Variants in PARD3B observed in about 807,000 individuals in gnomAD.
PARD3B encodes the protein partitioning defective 3 homolog B.
PARD3B carries 103 observed loss-of-function variants against 130.2 expected under a neutral mutation model. That is an observed-to-expected ratio of 0.79 (90% CI 0.67 to 0.93). The LOEUF (loss-of-function observed/expected upper bound fraction) is 0.93, where lower values mean the gene tolerates loss of function less well. Ranked by LOEUF, PARD3B falls within the 40% of genes least tolerant of loss-of-function variation. The pLI is 0.00. For synonymous variants in PARD3B, 583 were observed against 553.2 expected (o/e 1.05, Z -0.76); for missense variants, 1,609 against 1,499.2 (o/e 1.07, Z -1.21).
chr2:204,792,754 G>A (rs1336218421), intron 2 of PARD3B, among the ~76,000 whole-genome samples: 2 of 152,104 alleles, frequency 1.3e-5, no homozygotes, highest in African/African-American at 2.4e-5. Context: ...CAATTAGAAA[G>A]GTCAGTGGTT....
intron 4 of PARD3B, among the ~76,000 whole-genome samples, chr2:205,087,905 G>A (rs1206880065): frequency 6.6e-6 from 1 of 151,936 alleles, no homozygotes; most frequent in African/African-American, 2.4e-5. Context: ...TGTGTTGATC[G>A]GAAGTCATAC....
At chr2:205,535,338 CTT>C (rs921266956) in intron 21 of PARD3B, among the ~76,000 whole-genome samples, 21 of 152,236 alleles carry the variant, frequency 1.4e-4, no homozygotes, top group South Asian at 4.2e-4. Flanking sequence ...TACTCAGACT[CTT>C]TATTTGGTTC....
intron 18 of PARD3B, among the ~76,000 whole-genome samples, chr2:205,314,244 T>C (rs2042485231): frequency 2.0e-5 from 3 of 152,188 alleles, no homozygotes; most frequent in Admixed American, 2.0e-4. Flanking sequence ...GCATGAGAGA[T>C]GAATGTGGCA....
chr2:205,368,497 T>C (rs981827120), intron 18 of PARD3B, among the ~76,000 whole-genome samples: 2 of 152,088 alleles, frequency 1.3e-5, no homozygotes, highest in Admixed American at 6.6e-5. Context: ...CCGTGCGTGA[T>C]GGTGCACACC....
intron 19 of PARD3B, among the ~76,000 whole-genome samples, chr2:205,439,285 C>A (rs192765148): frequency 1.6e-4 from 24 of 152,108 alleles, no homozygotes; most frequent in African/African-American, 5.8e-4. Flanking sequence ...GGGCCCAGGA[C>A]ATCAAGTTTG....
chr2:204,968,567 C>T (rs1344169232), intron 3 of PARD3B, among the ~76,000 whole-genome samples: 1 of 152,222 alleles, frequency 6.6e-6, no homozygotes. Flanking sequence ...AACCACTTGC[C>T]ATTCCAAATT....
At chr2:204,878,827 A>G (rs1279597437) in intron 2 of PARD3B, among the ~76,000 whole-genome samples, 2 of 152,194 alleles carry the variant, frequency 1.3e-5, no homozygotes, top group African/African-American at 2.4e-5. Flanking sequence ...GACAGAATGT[A>G]TGTGATTATT....
intron 1 of PARD3B, among the ~76,000 whole-genome samples, chr2:204,589,641 G>T (rs756478178): frequency 5.3e-5 from 8 of 152,180 alleles, no homozygotes; most frequent in Non-Finnish European, 1.2e-4. Context: ...AAGAGGTCCA[G>T]CTTTGGATGG....
chr2:204,834,318 C>T (rs1356127920), intron 2 of PARD3B, among the ~76,000 whole-genome samples: 1 of 152,090 alleles, frequency 6.6e-6, no homozygotes, highest in Admixed American at 6.6e-5. Context: ...AGACTCAATA[C>T]ATAAATATAT....
At chr2:204,876,302 C>A (rs1031246628) in intron 2 of PARD3B, among the ~76,000 whole-genome samples, 2 of 152,196 alleles carry the variant, frequency 1.3e-5, no homozygotes, top group Admixed American at 6.5e-5. Context: ...ACTGAATCAA[C>A]GCTTGGTAAA....
chr2:205,572,369 C>A lies in PARD3B; in HGVS notation c.3260+18966C>A, dbSNP rs2053588592. On this transcript the variant is annotated intron_variant, in intron 22 of 22. Coordinates refer to ENST00000406610, the MANE Select transcript of PARD3B (RefSeq NM_001302769.2). The surrounding 1 kb of genome is among the most constrained non-coding windows in gnomAD (Gnocchi z 4.2). ...TGACTCTACCCAGAAGGCCTCAGGC[C>A]CTTGAAGGTGTTTAAAGAAAGAAAT... is the stretch of plus-strand genomic sequence containing the variant. Among the ~76,000 whole-genome samples the A allele has an allele frequency of 6.6e-6, 1 of 152,100 alleles. No individual in the cohort carries two copies. Among genetic ancestry groups the A allele is most frequent in the African/African-American group, 2.4e-5 (1 of 41,416 alleles).
chr2:204,872,198 A>G (rs1046051998), intron 2 of PARD3B, among the ~76,000 whole-genome samples: 3 of 152,108 alleles, frequency 2.0e-5, no homozygotes, highest in Non-Finnish European at 2.9e-5. Flanking sequence ...TGGGAAAAGC[A>G]TATGGCAATT....
At chr2:205,489,575 C>A (rs73058147) in intron 20 of PARD3B, among the ~76,000 whole-genome samples, 594 of 45,390 alleles carry the variant, frequency 0.013, 5 homozygotes, top group African/African-American at 0.037. Flanking sequence ...TATACACACA[C>A]ACACATATAT....
chr2:205,359,997 A>G (rs962129902), intron 18 of PARD3B, among the ~76,000 whole-genome samples: 1 of 152,208 alleles, frequency 6.6e-6, no homozygotes. Flanking sequence ...TTTCAAATTC[A>G]TAGTATTGAT....
At chr2:205,483,678 C>A (rs2049327801) in intron 20 of PARD3B, among the ~76,000 whole-genome samples, 1 of 152,050 alleles carries the variant, frequency 6.6e-6, no homozygotes, top group Admixed American at 6.6e-5. Context: ...GGAAATGATT[C>A]CCTTTTTTTC....
At chr2:205,542,521 A>G (rs1474578799) in intron 21 of PARD3B, among the ~76,000 whole-genome samples, 2 of 152,128 alleles carry the variant, frequency 1.3e-5, no homozygotes, top group African/African-American at 4.8e-5. Flanking sequence ...ACTTGAACTC[A>G]GCTGCTGCAG....
Position 205,617,609 on chromosome 2 carries a change from A to G in PARD3B, c.*1796A>G, listed in dbSNP as rs2055476235. The G allele has an allele frequency of 6.6e-6, 1 of 152,144 alleles. No individual in the cohort carries two copies. Among genetic ancestry groups the G allele is most frequent in the Non-Finnish European group, 1.5e-5 (1 of 68,032 alleles). 9.4% of individuals were successfully genotyped at this position (152,144 alleles called of 1,614,324 possible). A position where few individuals can be genotyped will look rare whatever the true frequency, so the allele number is the denominator to read the frequency against. Reference sequence around the variant, plus strand: ...TTTACTATGGCCCTGTTGAAAACAGACTATCAAGTTTTTTGTCTCTGTTCT... The same window carrying G: ...TTTACTATGGCCCTGTTGAAAACAGGCTATCAAGTTTTTTGTCTCTGTTCT... On this transcript the variant is annotated 3_prime_UTR_variant, in exon 23 of 23. Coordinates refer to ENST00000406610, the MANE Select transcript of PARD3B (RefSeq NM_001302769.2).
intron 2 of PARD3B, among the ~76,000 whole-genome samples, chr2:204,823,398 TA>T (rs1157783721): frequency 2.0e-5 from 3 of 151,948 alleles, no homozygotes; most frequent in Non-Finnish European, 4.4e-5. Context: ...ATTATTTTAT[TA>T]AAAAATGAGT....
chr2:204,624,523 C>A (rs2034418316), intron 1 of PARD3B, among the ~76,000 whole-genome samples: 1 of 152,186 alleles, frequency 6.6e-6, no homozygotes, highest in South Asian at 2.1e-4. Context: ...TTTCCATATT[C>A]ATTGCAGCAT....
Sources: gnomAD v4.1 joint callset for allele counts (sites outside exome capture counted in the v4.1 genomes callset) on GRCh38, gnomAD v4.1.1 for gene constraint, Gnocchi (gnomAD v3.1) non-coding constraint, MANE v1.5 for transcripts, NCBI Gene and HGNC (gene_info 2026-07-23, HGNC 2026-07-21) for gene names.